PRKD1: variants seen among roughly 807,000 people sequenced by gnomAD.
The protein encoded by PRKD1 is protein kinase D1.
In PRKD1, 63 loss-of-function variants were observed where a neutral mutation model predicts 95.9. The observed-to-expected ratio is 0.66, with a 90% CI of 0.54 to 0.81. The LOEUF (loss-of-function observed/expected upper bound fraction) is 0.81. Ranked by LOEUF, PRKD1 falls within the 30% of genes least tolerant of loss-of-function variation. The pLI, the probability that PRKD1 is intolerant of heterozygous loss-of-function variation, is 0.00. For synonymous variants in PRKD1, 425 were observed against 423.1 expected (o/e 1.00, Z -0.05); for missense variants, 1,048 against 1,165.3 (o/e 0.90, Z 1.47).
chr14:29,884,904 C>T (rs1893642739), intron 1 of PRKD1, among the ~76,000 whole-genome samples: 1 of 152,092 alleles, frequency 6.6e-6, no homozygotes, highest in Admixed American at 6.6e-5. Context: ...GGGTGGATCA[C>T]GAGGTCAGGA....
intron 13 of PRKD1, among the ~76,000 whole-genome samples, chr14:29,604,975 G>A (rs1893653494): frequency 6.6e-6 from 1 of 152,040 alleles, no homozygotes; most frequent in Non-Finnish European, 1.5e-5. Context: ...AATCACCTAG[G>A]TCAGAAACCT....
At chr14:29,698,657 C>T (rs1387138424) in intron 2 of PRKD1, among the ~76,000 whole-genome samples, 1 of 151,818 alleles carries the variant, frequency 6.6e-6, no homozygotes, top group Non-Finnish European at 1.5e-5. Flanking sequence ...GCATTTAAAG[C>T]CATTTGATAA....
intron 1 of PRKD1, among the ~76,000 whole-genome samples, chr14:29,880,902 T>A (rs889454281): frequency 6.6e-6 from 1 of 152,232 alleles, no homozygotes; most frequent in African/African-American, 2.4e-5. Context: ...AATGGCTGTA[T>A]TTACCCAATA....
intron 1 of PRKD1, among the ~76,000 whole-genome samples, chr14:29,809,074 T>C (rs763585133): frequency 6.6e-6 from 1 of 152,342 alleles, no homozygotes; most frequent in East Asian, 1.9e-4. Context: ...TCCTTGTCCA[T>C]CTCCACCAGA....
intron 1 of PRKD1, among the ~76,000 whole-genome samples, chr14:29,775,992 C>G (rs1447856866): frequency 6.6e-6 from 1 of 152,128 alleles, no homozygotes; most frequent in African/African-American, 2.4e-5. Context: ...TTCTGCAATA[C>G]TCGCTCTTCT....
At chr14:29,895,650 C>T (rs940118070) in intron 1 of PRKD1, among the ~76,000 whole-genome samples, 15 of 152,102 alleles carry the variant, frequency 9.9e-5, no homozygotes, top group African/African-American at 3.6e-4. Context: ...ATCTCATCTC[C>T]CCACTCACTC....
chr14:29,638,458 G>C (rs1880524469), intron 6 of PRKD1, 31 bp downstream of exon 6: 1 of 1,608,440 alleles, frequency 6.2e-7, no homozygotes, highest in African/African-American at 1.3e-5. Context: ...TATGGAAGAA[G>C]CACAGACATG....
chr14:29,615,464 CTG>C (rs1233928389), intron 13 of PRKD1, among the ~76,000 whole-genome samples: 1 of 152,162 alleles, frequency 6.6e-6, no homozygotes, highest in African/African-American at 2.4e-5. Context: ...CTTTTAAAAC[CTG>C]TTTATGTTGC....
chr14:29,676,379 G>C (rs1250186187), intron 2 of PRKD1, among the ~76,000 whole-genome samples: 1 of 151,922 alleles, frequency 6.6e-6, no homozygotes, highest in South Asian at 2.1e-4. Context: ...GGAGGTCAAA[G>C]GAGTCTCGCT....
At chr14:29,819,408 G>A (rs943786967) in intron 1 of PRKD1, among the ~76,000 whole-genome samples, 27 of 152,136 alleles carry the variant, frequency 1.8e-4, no homozygotes, top group Admixed American at 9.2e-4. Flanking sequence ...AAGCAAATGG[G>A]GGCCGGGCGC....
chr14:29,733,648 C>A (rs868697408), intron 1 of PRKD1, among the ~76,000 whole-genome samples: 1 of 152,036 alleles, frequency 6.6e-6, no homozygotes, highest in Non-Finnish European at 1.5e-5. Context: ...AAGGGAAGAA[C>A]CTTTATAAAA....
intron 1 of PRKD1, among the ~76,000 whole-genome samples, chr14:29,767,191 A>C (rs1474104916): frequency 6.6e-6 from 1 of 152,094 alleles, no homozygotes; most frequent in Admixed American, 6.6e-5. Context: ...CCGCTTGAAC[A>C]ATCTGCCCAG....
chr14:29,692,791 T>C (rs867098374), intron 2 of PRKD1, among the ~76,000 whole-genome samples: 2 of 152,184 alleles, frequency 1.3e-5, no homozygotes, highest in South Asian at 4.1e-4. Flanking sequence ...CATGTCCTTA[T>C]AGGGGGACTG....
chr14:29,915,811 C>G (rs771460437), intron 1 of PRKD1, among the ~76,000 whole-genome samples: 1 of 152,186 alleles, frequency 6.6e-6, no homozygotes, highest in Non-Finnish European at 1.5e-5. Flanking sequence ...ATTCCAAACT[C>G]TTCCTACAAA....
chr14:29,761,030 A>C (rs1470858523), intron 1 of PRKD1, among the ~76,000 whole-genome samples: 1 of 151,738 alleles, frequency 6.6e-6, no homozygotes, highest in Admixed American at 6.6e-5. Flanking sequence ...GCAGCCTCAA[A>C]CTCCTGCTGA....
intron 2 of PRKD1, among the ~76,000 whole-genome samples, chr14:29,687,955 A>G (rs968596760): frequency 1.3e-5 from 2 of 152,232 alleles, no homozygotes; most frequent in African/African-American, 4.8e-5. Context: ...TGCTACAGCA[A>G]TAGGACTGTA....
At chr14:29,674,378 C>A (rs1883036098) in intron 2 of PRKD1, among the ~76,000 whole-genome samples, 1 of 152,088 alleles carries the variant, frequency 6.6e-6, no homozygotes, top group Non-Finnish European at 1.5e-5. Flanking sequence ...GTGTCTAGTT[C>A]CTTCCCTAAA....
intron 1 of PRKD1, among the ~76,000 whole-genome samples, chr14:29,897,851 G>A (rs1225671475): frequency 1.3e-5 from 2 of 151,972 alleles, no homozygotes; most frequent in Non-Finnish European, 1.5e-5. Flanking sequence ...TTTGATAAAA[G>A]ATAAAACTCA....
chr14:29,773,690 A>T (rs180922127), intron 1 of PRKD1, among the ~76,000 whole-genome samples: 39 of 152,286 alleles, frequency 2.6e-4, no homozygotes, highest in African/African-American at 8.7e-4. Flanking sequence ...CAGCAATTTA[A>T]TCCAAGTTTT....
Sources: allele counts gnomAD v4.1 joint callset (sites outside exome capture counted in the v4.1 genomes callset), GRCh38; gene constraint gnomAD v4.1.1; transcripts MANE v1.5; gene names NCBI Gene and HGNC (gene_info 2026-07-23, HGNC 2026-07-21).